The following PLXDC2 variants were observed in gnomAD, a reference collection of about 807,000 sequenced individuals.
PLXDC2 encodes the protein plexin domain-containing protein 2.
PLXDC2 carries 40 observed loss-of-function variants against 68.9 expected under a neutral mutation model. The observed-to-expected ratio is 0.58, with a 90% CI of 0.45 to 0.76. The LOEUF is 0.76. Among genes scored for constraint, PLXDC2 ranks in the 30% least tolerant of loss-of-function variants. The pLI, the probability that PLXDC2 is intolerant of heterozygous loss-of-function variation, is 0.00. For synonymous variants in PLXDC2, 243 were observed against 234.2 expected (o/e 1.04, Z -0.34); for missense variants, 644 against 661.9 (o/e 0.97, Z 0.30).
At chr10:20,136,570 G>C (rs2248026) in intron 4 of PLXDC2, among the ~76,000 whole-genome samples, 87,544 of 151,998 alleles carry the variant, frequency 0.58, 25,594 homozygotes, top group Middle Eastern at 0.65. Flanking sequence ...TATATATAAG[G>C]TTAGTGAGAG....
At chr10:20,082,853 C>T (rs748450854) in intron 4 of PLXDC2, among the ~76,000 whole-genome samples, 9 of 151,844 alleles carry the variant, frequency 5.9e-5, no homozygotes, top group Non-Finnish European at 1.3e-4. Context: ...TACTATGTGG[C>T]CTTTAAACAG....
intron 4 of PLXDC2, 27 bp from the exon 5 acceptor site, chr10:20,143,268 A>T: frequency 6.3e-7 from 1 of 1,585,598 alleles, no homozygotes; most frequent in Non-Finnish European, 8.6e-7. Flanking sequence ...CTTTTTCTGA[A>T]TATGTTTCCT....
intron 4 of PLXDC2, among the ~76,000 whole-genome samples, chr10:20,104,201 G>T (rs189984259): frequency 2.7e-4 from 41 of 152,134 alleles, no homozygotes; most frequent in Non-Finnish European, 5.0e-4. Flanking sequence ...CTAGGGAAAC[G>T]CAATGAGATT....
intron 1 of PLXDC2, among the ~76,000 whole-genome samples, chr10:19,960,003 A>G (rs1158530831): frequency 6.6e-6 from 1 of 152,126 alleles, no homozygotes; most frequent in Non-Finnish European, 1.5e-5. Flanking sequence ...TCACTCACAC[A>G]AAATGTAATG....
At chr10:20,198,843 C>T (rs1457752645) in intron 9 of PLXDC2, among the ~76,000 whole-genome samples, 4 of 152,196 alleles carry the variant, frequency 2.6e-5, no homozygotes, top group African/African-American at 9.6e-5. Context: ...ATGATTTATT[C>T]TCCCAAAGCT....
At chr10:19,841,962 G>A (rs1449047579) in intron 1 of PLXDC2, among the ~76,000 whole-genome samples, 1 of 152,100 alleles carries the variant, frequency 6.6e-6, no homozygotes, top group Non-Finnish European at 1.5e-5. Context: ...CCAATGGATA[G>A]TCTGTCATGC....
At chr10:20,072,863 G>A (rs1000712825) in intron 4 of PLXDC2, among the ~76,000 whole-genome samples, 4 of 152,170 alleles carry the variant, frequency 2.6e-5, no homozygotes, top group African/African-American at 9.7e-5. Flanking sequence ...ACAGCTTCAA[G>A]GACTTCTGAA....
chr10:20,255,462 G>A (rs147199996), intron 13 of PLXDC2, among the ~76,000 whole-genome samples: 387 of 152,118 alleles, frequency 2.5e-3, no homozygotes, highest in African/African-American at 8.7e-3. Context: ...ATTGTTCTGC[G>A]TTAAAATAAA....
rs553564647 is a variant in PLXDC2 at position 20,034,512 on chromosome 10, G to A, written c.325-12357G>A. 1.7e-4 allele frequency among the ~76,000 whole-genome samples: 26 copies of A among 152,194 alleles called. No individual in the cohort carries two copies. The South Asian group carries it at 5.2e-3, about 30-fold the overall frequency. ...GCACATATAAAATTCAGTAAAAAGG[G>A]AGTTTTCAGAATATCATTTATTTGT... On this transcript the variant is annotated intron_variant, in intron 2 of 13. Coordinates refer to ENST00000377252, the MANE Select transcript of PLXDC2 (RefSeq NM_032812.9).
At chr10:19,964,052 C>G (rs1369728337) in intron 1 of PLXDC2, among the ~76,000 whole-genome samples, 1 of 152,128 alleles carries the variant, frequency 6.6e-6, no homozygotes, top group African/African-American at 2.4e-5. Flanking sequence ...GCCAAAACAG[C>G]ATCATCGGTT....
At position 19,942,263 on chromosome 10, in the gene PLXDC2, G is replaced by A. The variant is rs138722182; in HGVS notation, c.113-59512G>A. ...AAAGCTGTTGACTACCATATAGTGTGCTAAATAGTGCAACATAATCCCTTC... is the reference window on the plus strand; with the variant it reads ...AAAGCTGTTGACTACCATATAGTGTACTAAATAGTGCAACATAATCCCTTC... On this transcript the variant is annotated intron_variant, in intron 1 of 13. Coordinates refer to ENST00000377252, the MANE Select transcript of PLXDC2 (RefSeq NM_032812.9). 2.0e-3 allele frequency among the ~76,000 whole-genome samples: 305 copies of A among 152,310 alleles called. 1 individual carries two copies. The highest frequency in any genetic ancestry group is 7.0e-3 in the African/African-American group (293 of 41,566).
At chr10:20,164,276 T>C (rs1432008293) in intron 6 of PLXDC2, among the ~76,000 whole-genome samples, 192 bp from the exon 7 acceptor site, 1 of 152,158 alleles carries the variant, frequency 6.6e-6, no homozygotes, top group Non-Finnish European at 1.5e-5. Flanking sequence ...GTCTCTTCTA[T>C]TCATTCAATA....
chr10:20,182,486 C>G (rs777352507), intron 9 of PLXDC2, among the ~76,000 whole-genome samples: 3 of 151,920 alleles, frequency 2.0e-5, no homozygotes, highest in Non-Finnish European at 4.4e-5. Flanking sequence ...AATTTATTTA[C>G]TATTTGCCTG....
At chr10:20,210,486 G>T (rs955146223) in intron 9 of PLXDC2, among the ~76,000 whole-genome samples, 4 of 152,148 alleles carry the variant, frequency 2.6e-5, no homozygotes, top group Non-Finnish European at 5.9e-5. Flanking sequence ...GTAAGAGTAC[G>T]TAGGGAAGAC....
At chr10:20,248,543 C>T (rs145959854) in intron 13 of PLXDC2, among the ~76,000 whole-genome samples, 398 of 152,246 alleles carry the variant, frequency 2.6e-3, no homozygotes, top group Non-Finnish European at 3.7e-3. Context: ...AGCTTTTCTC[C>T]GCTTGGCTTT....
rs112874148 is a variant in PLXDC2 at position 20,014,046 on chromosome 10, C to T, written c.324+12060C>T. Among the ~76,000 whole-genome samples the T allele has an allele frequency of 6.4e-3, 975 of 152,258 alleles. 12 individuals carry two copies. The highest frequency in any genetic ancestry group is 0.022 in the African/African-American group (923 of 41,534). On this transcript the variant is annotated intron_variant, in intron 2 of 13. Coordinates refer to ENST00000377252, the MANE Select transcript of PLXDC2 (RefSeq NM_032812.9). ...GTACCAGATGATAGTAAAATTATCT[C>T]CTAAAGGCAAACACACTTTTTAGAG...
chr10:20,188,389 A>G (rs898579116), intron 9 of PLXDC2, among the ~76,000 whole-genome samples: 1 of 151,726 alleles, frequency 6.6e-6, no homozygotes, highest in African/African-American at 2.4e-5. Flanking sequence ...ATTTCACAGC[A>G]TAATATTAAT....
intron 12 of PLXDC2, among the ~76,000 whole-genome samples, chr10:20,221,886 C>T (rs1340076835): frequency 6.6e-6 from 1 of 152,138 alleles, no homozygotes; most frequent in East Asian, 1.9e-4. Flanking sequence ...CAAAGAATTT[C>T]AGCACATTTG....
chr10:20,227,618 G>A (rs1291716717), intron 12 of PLXDC2, among the ~76,000 whole-genome samples: 1 of 152,146 alleles, frequency 6.6e-6, no homozygotes, highest in African/African-American at 2.4e-5. Context: ...CAGCCATAAA[G>A]TATCAGAATA....
Sources: gnomAD v4.1 joint callset for allele counts (sites outside exome capture counted in the v4.1 genomes callset) on GRCh38, gnomAD v4.1.1 for gene constraint, MANE v1.5 for transcripts, NCBI Gene and HGNC (gene_info 2026-07-23, HGNC 2026-07-21) for gene names.